GRID2: variants seen among roughly 807,000 people sequenced by gnomAD.
GRID2 encodes the protein glutamate ionotropic receptor delta type subunit 2.
A neutral mutation model predicts 114.8 loss-of-function variants in GRID2; 33 were observed. The observed-to-expected ratio is 0.29, with a 90% CI of 0.22 to 0.38. The LOEUF is 0.38. Ranked by LOEUF, GRID2 falls within the 10% of genes least tolerant of loss-of-function variation. GRID2 has a pLI of 1.00. For missense variants in GRID2, 1,184 were observed against 1,257.7 expected, an observed-to-expected ratio of 0.94 and a Z score of 0.89; for synonymous variants, 505 against 449.9, an observed-to-expected ratio of 1.12 and a Z score of -1.55.
intron 4 of GRID2, among the ~76,000 whole-genome samples, chr4:93,141,215 T>C (rs1735740691): frequency 6.6e-6 from 1 of 152,204 alleles, no homozygotes; most frequent in South Asian, 2.1e-4. Context: ...TTATTTTCCA[T>C]TGTGTTTAAT....
intron 2 of GRID2, among the ~76,000 whole-genome samples, chr4:93,066,821 C>G (rs984062868): frequency 6.6e-6 from 1 of 151,866 alleles, no homozygotes; most frequent in African/African-American, 2.4e-5. Context: ...TTTGGGGCCA[C>G]TATGACGTAA....
Position 93,368,908 on chromosome 4 carries a change from A to C in GRID2, c.1246-26699A>C, listed in dbSNP as rs190314890. Among the ~76,000 whole-genome samples, 46 of 152,348 alleles carry C rather than the reference A, an allele frequency of 3.0e-4. 1 individual carries two copies. The highest frequency in any genetic ancestry group is 1.4e-3 in the Admixed American group (21 of 15,298). ...AAAAGAAAACGTTGATTTCATCTAA[A>C]AAGAGAGAGAGAAAGTTTTAGTTAT... On this transcript the variant is annotated intron_variant, in intron 8 of 15. Coordinates refer to ENST00000282020, the MANE Select transcript of GRID2 (RefSeq NM_001510.4).
At chr4:93,727,347 T>C (rs1203793091) in intron 14 of GRID2, among the ~76,000 whole-genome samples, 1 of 152,180 alleles carries the variant, frequency 6.6e-6, no homozygotes, top group African/African-American at 2.4e-5. Context: ...CACTTGATCA[T>C]GGTGGATAAG....
intron 13 of GRID2, among the ~76,000 whole-genome samples, chr4:93,561,700 C>A (rs1339373977): frequency 6.6e-6 from 1 of 152,130 alleles, no homozygotes; most frequent in East Asian, 1.9e-4. Flanking sequence ...TCCCTATCCC[C>A]TAAACCCTGG....
At chr4:92,332,417 A>G (rs1726939751) in intron 1 of GRID2, among the ~76,000 whole-genome samples, 1 of 152,080 alleles carries the variant, frequency 6.6e-6, no homozygotes, top group Non-Finnish European at 1.5e-5. Flanking sequence ...TCCCACCACT[A>G]TTGCACTGGG....
chr4:92,877,600 C>T (rs538863663), intron 2 of GRID2, among the ~76,000 whole-genome samples: 1 of 152,234 alleles, frequency 6.6e-6, no homozygotes, highest in Admixed American at 6.5e-5. Context: ...CCCAAATATA[C>T]AGTTTGTTCT....
At chr4:93,390,036 G>A (rs973768748) in intron 8 of GRID2, among the ~76,000 whole-genome samples, 6 of 152,076 alleles carry the variant, frequency 3.9e-5, no homozygotes, top group Admixed American at 6.6e-5. Flanking sequence ...TGATCTACCC[G>A]CCTTGGCCTC....
At chr4:93,453,079 C>T (rs1425523083) in intron 10 of GRID2, among the ~76,000 whole-genome samples, 1 of 146,632 alleles carries the variant, frequency 6.8e-6, no homozygotes, top group Non-Finnish European at 1.5e-5. Context: ...TGATGTTCGC[C>T]TTCCTGTGTC....
At chr4:93,602,332 A>G (rs894104172) in intron 13 of GRID2, among the ~76,000 whole-genome samples, 1 of 152,274 alleles carries the variant, frequency 6.6e-6, no homozygotes, top group African/African-American at 2.4e-5. Context: ...TCTGCCCTAA[A>G]GCTGCTTTTG....
intron 1 of GRID2, among the ~76,000 whole-genome samples, chr4:92,465,588 A>G (rs1214790413): frequency 6.6e-6 from 1 of 152,110 alleles, no homozygotes. Context: ...CAAAATTTTC[A>G]TTGAAGAAGA....
At chr4:92,906,946 C>A (rs1189294746) in intron 2 of GRID2, among the ~76,000 whole-genome samples, 2 of 152,200 alleles carry the variant, frequency 1.3e-5, no homozygotes, top group African/African-American at 4.8e-5. Flanking sequence ...TGAGGCCCCA[C>A]ACCAGACGTA....
At chr4:93,342,754 A>C (rs1466286851) in intron 8 of GRID2, among the ~76,000 whole-genome samples, 1 of 152,234 alleles carries the variant, frequency 6.6e-6, no homozygotes, top group Non-Finnish European at 1.5e-5. Flanking sequence ...AAGAAAAACA[A>C]ATTGCAAATT....
At chr4:93,339,992 A>C (rs1368718) in intron 8 of GRID2, among the ~76,000 whole-genome samples, 38,310 of 152,012 alleles carry the variant, frequency 0.25, 8,117 homozygotes, top group African/African-American at 0.58. Context: ...TCCCTTGACA[A>C]GTGGGGATTA....
At position 92,443,997 on chromosome 4, in the gene GRID2, G is replaced by T. The variant is rs924410325; in HGVS notation, c.88+139253G>T. Reference sequence around the variant, plus strand: ...GGGAGAGATTGAAGAGTGGAAAGGAGAAAGTGGTTGAGGGACAGTGAGAGA... The same window carrying T: ...GGGAGAGATTGAAGAGTGGAAAGGATAAAGTGGTTGAGGGACAGTGAGAGA... On this transcript the variant is annotated intron_variant, in intron 1 of 15. Coordinates refer to ENST00000282020, the MANE Select transcript of GRID2 (RefSeq NM_001510.4). Among the ~76,000 whole-genome samples the T allele has an allele frequency of 2.6e-5, 4 of 152,322 alleles. No homozygotes were observed. The South Asian group carries it at 8.3e-4, about 32-fold the overall frequency.
chr4:92,656,773 A>C (rs1732260345), intron 2 of GRID2, among the ~76,000 whole-genome samples: 1 of 151,892 alleles, frequency 6.6e-6, no homozygotes, highest in Non-Finnish European at 1.5e-5. Flanking sequence ...AGAGAATATT[A>C]ACATGAGGAA....
intron 1 of GRID2, among the ~76,000 whole-genome samples, chr4:92,552,460 G>A (rs1449701008): frequency 6.6e-6 from 1 of 152,162 alleles, no homozygotes; most frequent in Non-Finnish European, 1.5e-5. Flanking sequence ...AGAGGAGGTA[G>A]AGAAAGCAGA....
chr4:92,574,119 T>A (rs926415903), intron 1 of GRID2, among the ~76,000 whole-genome samples: 1 of 152,096 alleles, frequency 6.6e-6, no homozygotes, highest in African/African-American at 2.4e-5. Flanking sequence ...GAAACTAGGA[T>A]TGCAACCCCT....
At chr4:93,317,538 C>T (rs1185680260) in intron 8 of GRID2, among the ~76,000 whole-genome samples, 1 of 151,980 alleles carries the variant, frequency 6.6e-6, no homozygotes, top group Non-Finnish European at 1.5e-5. Context: ...TGCCACAATT[C>T]TAATAATACT....
chr4:92,471,401 G>T (rs1232366749), intron 1 of GRID2, among the ~76,000 whole-genome samples: 3 of 151,948 alleles, frequency 2.0e-5, no homozygotes, highest in African/African-American at 7.2e-5. Context: ...GGCTTGAGTG[G>T]TTAGACTGTT....
Sources: allele counts gnomAD v4.1 joint callset (sites outside exome capture counted in the v4.1 genomes callset), GRCh38; gene constraint gnomAD v4.1.1; transcripts MANE v1.5; gene names NCBI Gene and HGNC (gene_info 2026-07-23, HGNC 2026-07-21).